The following CADM2 variants were observed in gnomAD, a reference collection of about 807,000 sequenced individuals.
The protein encoded by CADM2 is cell adhesion molecule 2.
Under a neutral mutation model 49.8 loss-of-function variants are expected in CADM2, and 12 were observed. The ratio of observed to expected loss-of-function variants is 0.24; its 90% confidence interval spans 0.15 to 0.39. The LOEUF is 0.39. Among genes scored for constraint, CADM2 ranks in the 10% least tolerant of loss-of-function variants. The pLI is 1.00. For missense variants in CADM2, 378 were observed against 492.3 expected, an observed-to-expected ratio of 0.77 and a Z score of 2.20; for synonymous variants, 214 against 175.4, an observed-to-expected ratio of 1.22 and a Z score of -1.74.
intron 1 of CADM2, among the ~76,000 whole-genome samples, chr3:85,196,094 AG>A (rs1385237667): frequency 6.6e-6 from 1 of 152,008 alleles, no homozygotes; most frequent in African/African-American, 2.4e-5. Flanking sequence ...TGGTTTACTT[AG>A]TATTAGTGAT....
At chr3:85,275,483 G>A (rs2043335832) in intron 1 of CADM2, among the ~76,000 whole-genome samples, 1 of 151,380 alleles carries the variant, frequency 6.6e-6, no homozygotes, top group African/African-American at 2.4e-5. Context: ...ATAGAGGTAA[G>A]TAGATACTCA....
chr3:85,853,773 A>G (rs1049800267), intron 3 of CADM2, among the ~76,000 whole-genome samples: 1 of 152,100 alleles, frequency 6.6e-6, no homozygotes, highest in Non-Finnish European at 1.5e-5. Context: ...AAAAAGAAGG[A>G]AACTAAAATA....
chr3:84,991,198 G>A (rs1242694355), intron 1 of CADM2, among the ~76,000 whole-genome samples: 3 of 152,024 alleles, frequency 2.0e-5, no homozygotes, highest in Non-Finnish European at 2.9e-5. Flanking sequence ...TCCTTTAGGA[G>A]TTTTTGTATT....
chr3:84,961,489 A>AC (rs2030510082), intron 1 of CADM2, among the ~76,000 whole-genome samples: 2 of 151,690 alleles, frequency 1.3e-5, no homozygotes, highest in South Asian at 4.2e-4. Context: ...CACCTTTCAC[A>AC]CCCCCATCCT....
At chr3:86,003,621 G>T (rs931629687) in intron 8 of CADM2, among the ~76,000 whole-genome samples, 4 of 152,166 alleles carry the variant, frequency 2.6e-5, no homozygotes, top group Non-Finnish European at 4.4e-5. Context: ...AGTATTACCA[G>T]TATTCATAAC....
chr3:85,390,781 AT>A (rs1217715938), intron 1 of CADM2, among the ~76,000 whole-genome samples: 1 of 152,036 alleles, frequency 6.6e-6, no homozygotes, highest in Non-Finnish European at 1.5e-5. Context: ...CTTCAAAATA[AT>A]TTTTAAAAAG....
chr3:85,997,126 T>G (rs987469078), intron 8 of CADM2, among the ~76,000 whole-genome samples: 3 of 152,214 alleles, frequency 2.0e-5, no homozygotes, highest in Non-Finnish European at 4.4e-5. Context: ...AAAATGAAAG[T>G]GTTTTGTTTA....
At position 85,023,781 on chromosome 3, in the gene CADM2, A is replaced by T. The variant is rs548389090; in HGVS notation, c.61+64113A>T. ...AGTTACCCATTTTTATCATTTTTTTAAAATTTAGTGTTCTGTGCTTTAAAA... is the reference window on the plus strand; with the variant it reads ...AGTTACCCATTTTTATCATTTTTTTTAAATTTAGTGTTCTGTGCTTTAAAA... On this transcript the variant is annotated intron_variant, in intron 1 of 9. Transcript: ENST00000383699. Among the ~76,000 whole-genome samples, 465 of 151,922 alleles carry T rather than the reference A, an allele frequency of 3.1e-3. 6 individuals carry two copies. Among genetic ancestry groups the T allele is most frequent in the African/African-American group, 0.011 (454 of 41,396 alleles).
At chr3:85,017,333 T>C (rs1226146889) in intron 1 of CADM2, among the ~76,000 whole-genome samples, 3 of 152,232 alleles carry the variant, frequency 2.0e-5, no homozygotes, top group Non-Finnish European at 2.9e-5. Context: ...TGGATTTCTT[T>C]TGAAGTCACC....
At chr3:85,453,553 G>A (rs998333790) in intron 1 of CADM2, among the ~76,000 whole-genome samples, 3 of 151,778 alleles carry the variant, frequency 2.0e-5, no homozygotes, top group African/African-American at 7.3e-5. Flanking sequence ...CTGGATTTCT[G>A]GAGTAACACA....
At chr3:85,314,335 A>G (rs1179320186) in intron 1 of CADM2, among the ~76,000 whole-genome samples, 1 of 152,258 alleles carries the variant, frequency 6.6e-6, no homozygotes, top group East Asian at 1.9e-4. Flanking sequence ...CTTATTAAAA[A>G]ACCACACTGT....
intron 8 of CADM2, chr3:86,014,926 A>G: frequency 6.6e-7 from 1 of 1,505,272 alleles, no homozygotes; most frequent in Non-Finnish European, 9.2e-7. Context: ...AATGAGTGGT[A>G]TGAAAATGGA....
At chr3:85,594,951 G>T (rs1467427897) in intron 1 of CADM2, among the ~76,000 whole-genome samples, 1 of 151,996 alleles carries the variant, frequency 6.6e-6, no homozygotes, top group Non-Finnish European at 1.5e-5. Flanking sequence ...TCAGGCTCTA[G>T]TGGCTTGGAA....
At chr3:85,319,013 G>A (rs72903204) in intron 1 of CADM2, among the ~76,000 whole-genome samples, 1 of 152,038 alleles carries the variant, frequency 6.6e-6, no homozygotes, top group East Asian at 1.9e-4. Context: ...AGACAGAGAA[G>A]TTTAAAGGAG....
At chr3:85,077,062 C>T (rs1318213682) in intron 1 of CADM2, among the ~76,000 whole-genome samples, 2 of 152,164 alleles carry the variant, frequency 1.3e-5, no homozygotes, top group Non-Finnish European at 2.9e-5. Flanking sequence ...ATCAAAACAA[C>T]TTGGGAAAGC....
intron 1 of CADM2, among the ~76,000 whole-genome samples, chr3:85,640,107 C>A (rs1309031434): frequency 9.9e-5 from 15 of 152,150 alleles, no homozygotes; most frequent in Admixed American, 9.8e-4. Flanking sequence ...CCGTGTAATT[C>A]TGTGGTCTCC....
chr3:85,030,957 G>C (rs2034948900), intron 1 of CADM2, among the ~76,000 whole-genome samples: 1 of 152,094 alleles, frequency 6.6e-6, no homozygotes, highest in South Asian at 2.1e-4. Flanking sequence ...AGAGAGGTGG[G>C]GACGATGTAA....
At chr3:85,864,000 C>T (rs192163700) in intron 3 of CADM2, among the ~76,000 whole-genome samples, 94 of 152,176 alleles carry the variant, frequency 6.2e-4, no homozygotes, top group African/African-American at 2.0e-3. Flanking sequence ...GTTATGAAAA[C>T]GTGAAGAGCA....
At chr3:85,842,044 TA>T (rs913186435) in intron 3 of CADM2, among the ~76,000 whole-genome samples, 7 of 152,092 alleles carry the variant, frequency 4.6e-5, no homozygotes, top group Non-Finnish European at 1.0e-4. Flanking sequence ...CTTTTACATT[TA>T]AAAAAATTAT....
Sources: allele counts gnomAD v4.1 joint callset (sites outside exome capture counted in the v4.1 genomes callset), GRCh38; gene constraint gnomAD v4.1.1; transcripts MANE v1.5; gene names NCBI Gene and HGNC (gene_info 2026-07-23, HGNC 2026-07-21).